The following ANK2 variants were observed in gnomAD, a reference collection of about 807,000 sequenced individuals.
The protein encoded by ANK2 is ankyrin 2.
ANK2 carries 83 observed loss-of-function variants against 360.5 expected under a neutral mutation model. The ratio of observed to expected loss-of-function variants is 0.23; its 90% CI spans 0.19 to 0.28. ANK2 has a LOEUF of 0.28. Among genes scored for constraint, ANK2 ranks in the 10% least tolerant of loss-of-function variants. ANK2 has a pLI of 1.00. For synonymous variants in ANK2, 1,740 were observed against 1,759.5 expected (o/e 0.99, Z 0.28); for missense variants, 4,201 against 4,795.7 (o/e 0.88, Z 3.66).
intron 1 of ANK2, among the ~76,000 whole-genome samples, chr4:112,852,316 T>C (rs1315990358): frequency 6.6e-6 from 1 of 152,230 alleles, no homozygotes; most frequent in Non-Finnish European, 1.5e-5. Flanking sequence ...TCCACCCAGA[T>C]GGCTCTCTGT....
At chr4:113,083,374 G>A (rs1333901147) in intron 1 of ANK2, among the ~76,000 whole-genome samples, 1 of 152,042 alleles carries the variant, frequency 6.6e-6, no homozygotes, top group East Asian at 1.9e-4. Flanking sequence ...TAGAGATGGA[G>A]GGTCTTGCTA....
At chr4:112,870,111 G>T (rs1214758589) in intron 1 of ANK2, among the ~76,000 whole-genome samples, 1 of 152,020 alleles carries the variant, frequency 6.6e-6, no homozygotes, top group Non-Finnish European at 1.5e-5. Context: ...TGATTCTCCT[G>T]CCTCAGCTTC....
chr4:112,847,503 T>A (rs1437274042), intron 1 of ANK2, among the ~76,000 whole-genome samples: 2 of 152,160 alleles, frequency 1.3e-5, no homozygotes, highest in Non-Finnish European at 2.9e-5. Context: ...TTCAGAAGCC[T>A]CCTAACTGGT....
At chr4:113,087,396 T>C (rs1192917697) in intron 1 of ANK2, among the ~76,000 whole-genome samples, 1 of 152,204 alleles carries the variant, frequency 6.6e-6, no homozygotes, top group Non-Finnish European at 1.5e-5. Flanking sequence ...GTTCCAAGTT[T>C]AAAAATTTTC....
chr4:112,756,170 G>T, the ANK2 span, among the ~76,000 whole-genome samples: 1 of 147,116 alleles, frequency 6.8e-6, no homozygotes, highest in Non-Finnish European at 1.5e-5. Context: ...CCCGGGAGGC[G>T]GAGTTTGCAG....
chr4:113,140,836 G>A (rs981247160), intron 1 of ANK2, among the ~76,000 whole-genome samples: 3 of 152,080 alleles, frequency 2.0e-5, no homozygotes, highest in Non-Finnish European at 4.4e-5. Context: ...AAATTAGCCA[G>A]GCGTGGTGGT....
chr4:112,906,118 G>A (rs1299965348), intron 2 of ANK2, among the ~76,000 whole-genome samples: 2 of 152,164 alleles, frequency 1.3e-5, no homozygotes, highest in Non-Finnish European at 2.9e-5. Flanking sequence ...AAGCTCAGAG[G>A]AAAGATCTGT....
chr4:112,894,906 CT>C (rs1355055049), intron 1 of ANK2, among the ~76,000 whole-genome samples: 2 of 152,158 alleles, frequency 1.3e-5, no homozygotes, highest in Non-Finnish European at 2.9e-5. Context: ...TACAGTATTT[CT>C]TTTTTTCCCC....
chr4:112,734,287 G>A, the ANK2 span, among the ~76,000 whole-genome samples: 1 of 152,218 alleles, frequency 6.6e-6, no homozygotes, highest in Non-Finnish European at 1.5e-5. Flanking sequence ...TTTTGGAGAA[G>A]GAACTGAGCT....
At chr4:113,131,939 CT>C (rs1216725394) in intron 1 of ANK2, among the ~76,000 whole-genome samples, 1 of 152,124 alleles carries the variant, frequency 6.6e-6, no homozygotes, top group Non-Finnish European at 1.5e-5. Context: ...GGCTCAAAGG[CT>C]TTTTTCTTCT....
At chr4:112,713,818 C>A in the ANK2 span, among the ~76,000 whole-genome samples, 3 of 150,760 alleles carry the variant, frequency 2.0e-5, no homozygotes, top group Admixed American at 2.0e-4. Flanking sequence ...CCTGTAGTCC[C>A]AGCTACTCGG....
rs1260370850 is a variant in ANK2 at position 113,383,642 on chromosome 4, A to T, written c.*2171A>T. The T allele has an allele frequency of 6.6e-6, 1 of 152,576 alleles. No homozygotes were observed. Among genetic ancestry groups the T allele is most frequent in the Non-Finnish European group, 1.5e-5 (1 of 68,024 alleles). The allele number at this position is 152,576 out of a possible 1,614,324, so 9.5% of individuals were successfully genotyped here. A position where few individuals can be genotyped will look rare whatever the true frequency, so the allele number is the denominator to read the frequency against. Reference sequence around the variant, plus strand: ...GAATATATCTATGAGGGCATGTATTAGTTAATGGAAAAAAAAATACAACAC... The same window carrying T: ...GAATATATCTATGAGGGCATGTATTTGTTAATGGAAAAAAAAATACAACAC... On this transcript the variant is annotated 3_prime_UTR_variant, in exon 46 of 46. Transcript: ENST00000357077.
intron 1 of ANK2, among the ~76,000 whole-genome samples, chr4:112,863,545 C>T (rs568857643): frequency 6.8e-5 from 7 of 102,672 alleles, no homozygotes; most frequent in Admixed American, 4.5e-4. Context: ...TTTTTTGAGA[C>T]GGAGTCTCGC....
At chr4:113,187,863 A>G (rs1334754391) in intron 2 of ANK2, among the ~76,000 whole-genome samples, 1 of 152,210 alleles carries the variant, frequency 6.6e-6, no homozygotes, top group Non-Finnish European at 1.5e-5. Flanking sequence ...AATCATTCTG[A>G]ATCTCAAATT....
In ANK2 at chr4:113,213,963, T is replaced by A. The variant is rs987687734; in HGVS notation, c.384+14854T>A. On this transcript the variant is annotated intron_variant, in intron 4 of 45. Transcript: ENST00000357077. ...AAAATGCTGTTTTATTTATTTTTTT[T>A]TTTTATTTTTTTTTTAAGTACAATT... The A allele has an allele frequency of 3.7e-5, 18 of 491,206 alleles. 1 individual carries two copies. In the African/African-American group the frequency reaches 3.7e-4, roughly 10 times the overall value. 30.4% of individuals were successfully genotyped at this position (491,206 alleles called of 1,614,324 possible). A position where few individuals can be genotyped will look rare whatever the true frequency, so the allele number is the denominator to read the frequency against.
chr4:113,377,163 A>T (rs530063971), intron 45 of ANK2, among the ~76,000 whole-genome samples: 2 of 152,206 alleles, frequency 1.3e-5, no homozygotes, highest in Non-Finnish European at 2.9e-5. Flanking sequence ...TTTACCGTAC[A>T]TAAACCAGTA....
At chr4:112,730,450 A>G in the ANK2 span, among the ~76,000 whole-genome samples, 1 of 151,024 alleles carries the variant, frequency 6.6e-6, no homozygotes, top group African/African-American at 2.4e-5. Context: ...AGCCTGGCCA[A>G]CATGGTGAAA....
chr4:112,879,441 C>G (rs2076124645), intron 1 of ANK2, among the ~76,000 whole-genome samples: 1 of 152,132 alleles, frequency 6.6e-6, no homozygotes, highest in African/African-American at 2.4e-5. Flanking sequence ...ATTTTAGATG[C>G]AGATCATCTA....
chr4:113,008,068 G>A (rs1578896036), intron 2 of ANK2, among the ~76,000 whole-genome samples: 1 of 149,904 alleles, frequency 6.7e-6, no homozygotes, highest in South Asian at 2.1e-4. Flanking sequence ...AGTTTTACCT[G>A]GAAAAAGTGG....
Sources: gnomAD v4.1 joint callset for allele counts (sites outside exome capture counted in the v4.1 genomes callset) on GRCh38, gnomAD v4.1.1 for gene constraint, MANE v1.5 for transcripts, NCBI Gene and HGNC (gene_info 2026-07-23, HGNC 2026-07-21) for gene names.